SYT1: variants seen among roughly 807,000 people sequenced by gnomAD.
The protein encoded by SYT1 is synaptotagmin 1, also known as synaptotagmin-1.
In SYT1, 8 loss-of-function variants were observed where a neutral mutation model predicts 44.8. The observed-to-expected ratio is 0.18, with a 90% CI of 0.10 to 0.32. SYT1 has a LOEUF of 0.32. Among genes scored for constraint, SYT1 ranks in the 10% least tolerant of loss-of-function variants. The probability of loss-of-function intolerance (pLI) is 1.00; values close to 1 mark genes in which losing one functional copy is unlikely to be tolerated. For synonymous variants in SYT1, 154 were observed against 188.8 expected (o/e 0.82, Z 1.51); for missense variants, 286 against 509.3 (o/e 0.56, Z 4.22).
At chr12:78,997,330 T>C (rs1329873048) in intron 2 of SYT1, among the ~76,000 whole-genome samples, 2 of 152,186 alleles carry the variant, frequency 1.3e-5, no homozygotes, top group East Asian at 3.9e-4. Flanking sequence ...ATGGCTATTT[T>C]CACAGAGTCC....
At chr12:78,961,087 T>C (rs1879476168) in intron 1 of SYT1, among the ~76,000 whole-genome samples, 2 of 152,256 alleles carry the variant, frequency 1.3e-5, no homozygotes, top group South Asian at 4.2e-4. Flanking sequence ...TTAAGTTTGC[T>C]ACTTCAAGCT....
At chr12:78,930,650 C>A (rs781558184) in intron 1 of SYT1, among the ~76,000 whole-genome samples, 1 of 150,916 alleles carries the variant, frequency 6.6e-6, no homozygotes, top group Non-Finnish European at 1.5e-5. Flanking sequence ...TTCACCACTT[C>A]CCAACCTCCT....
intron 1 of SYT1, among the ~76,000 whole-genome samples, chr12:78,871,429 C>G (rs971895816): frequency 3.9e-5 from 6 of 151,952 alleles, no homozygotes; most frequent in African/African-American, 1.2e-4. Flanking sequence ...ATCTTTTTCC[C>G]TCATGATGTA....
At chr12:78,936,624 ATTTCT>A (rs1199832284) in intron 1 of SYT1, among the ~76,000 whole-genome samples, 1 of 152,074 alleles carries the variant, frequency 6.6e-6, no homozygotes, top group African/African-American at 2.4e-5. Flanking sequence ...CATATTCTTT[ATTTCT>A]TAGTATATGT....
chr12:79,198,157 T>G (rs547267802), intron 3 of SYT1, among the ~76,000 whole-genome samples: 7 of 152,172 alleles, frequency 4.6e-5, no homozygotes, highest in Non-Finnish European at 8.8e-5. Flanking sequence ...GAAAACAAAT[T>G]GATATTCTCA....
chr12:79,069,405 T>C (rs1327163736), intron 3 of SYT1, among the ~76,000 whole-genome samples: 2 of 152,140 alleles, frequency 1.3e-5, no homozygotes, highest in African/African-American at 2.4e-5. Flanking sequence ...CTTATTTAAA[T>C]GTATTTGTTG....
chr12:79,012,762 G>A (rs1227114151), intron 2 of SYT1, among the ~76,000 whole-genome samples: 3 of 152,150 alleles, frequency 2.0e-5, no homozygotes, highest in South Asian at 2.1e-4. Flanking sequence ...GCACCCTGTC[G>A]CTGCTCCCTG....
At chr12:79,312,138 G>T (rs1880837465) in intron 8 of SYT1, among the ~76,000 whole-genome samples, 2 of 151,712 alleles carry the variant, frequency 1.3e-5, no homozygotes, top group Non-Finnish European at 1.5e-5. Flanking sequence ...TTGCCTTCTG[G>T]GGAATTGAGC....
intron 2 of SYT1, among the ~76,000 whole-genome samples, chr12:79,014,692 C>T (rs1427023541): frequency 1.3e-5 from 2 of 152,074 alleles, no homozygotes; most frequent in African/African-American, 4.8e-5. Context: ...ACCATTTGAC[C>T]CAGCCATCCT....
intron 3 of SYT1, among the ~76,000 whole-genome samples, chr12:79,088,162 A>T (rs1285809647): frequency 6.6e-6 from 1 of 152,038 alleles, no homozygotes; most frequent in Non-Finnish European, 1.5e-5. Flanking sequence ...AGGGTTATAT[A>T]AGCCAGTTAT....
At chr12:79,399,510 C>T (rs904872049) in intron 9 of SYT1, among the ~76,000 whole-genome samples, 7 of 151,954 alleles carry the variant, frequency 4.6e-5, no homozygotes, top group Non-Finnish European at 7.4e-5. Flanking sequence ...TGTTTATAGT[C>T]GGAACAGTCT....
intron 8 of SYT1, among the ~76,000 whole-genome samples, chr12:79,313,171 C>T (rs1175089844): frequency 2.0e-5 from 3 of 152,060 alleles, no homozygotes; most frequent in African/African-American, 7.2e-5. Context: ...TGTAGATTTA[C>T]AATCTACATG....
rs892519869 is a variant in SYT1 at position 79,053,570 on chromosome 12, A to G, written c.-18+6208A>G. On this transcript the variant is annotated intron_variant, in intron 3 of 10. Transcript: ENST00000261205. The stretch of plus-strand genomic sequence containing the variant: ...TAAATTCTTATGTATAAAATAATGC[A>G]TATTAACTTTAATTAAAATTATTTT... 2.7e-5 allele frequency among the ~76,000 whole-genome samples: 4 copies of G among 149,236 alleles called. No homozygotes were observed. The East Asian group carries it at 7.8e-4, about 29-fold the overall frequency.
chr12:79,171,022 G>A (rs549447073), intron 3 of SYT1, among the ~76,000 whole-genome samples: 4 of 151,960 alleles, frequency 2.6e-5, no homozygotes, highest in South Asian at 2.1e-4. Flanking sequence ...TTTTATTTCC[G>A]GATTCTCTAT....
intron 4 of SYT1, among the ~76,000 whole-genome samples, chr12:79,285,435 A>G (rs1408966730): frequency 6.6e-6 from 1 of 152,218 alleles, no homozygotes; most frequent in African/African-American, 2.4e-5. Context: ...GCCCAAGATC[A>G]CACAGCTAGT....
At chr12:79,205,336 C>T (rs7295309) in intron 3 of SYT1, among the ~76,000 whole-genome samples, 105,528 of 152,102 alleles carry the variant, frequency 0.69, 36,998 homozygotes, top group African/African-American at 0.73. Context: ...AAACTCATAT[C>T]TTTTCTTGAT....
intron 6 of SYT1, 75 bp from the exon 7 acceptor site, chr12:79,295,994 G>C: frequency 7.6e-6 from 11 of 1,446,872 alleles, no homozygotes; most frequent in Non-Finnish European, 1.0e-5. Flanking sequence ...CCAATATGCA[G>C]CATTGTGAAC....
chr12:78,990,213 GT>G (rs1869925244), intron 2 of SYT1, among the ~76,000 whole-genome samples: 1 of 152,084 alleles, frequency 6.6e-6, no homozygotes, highest in South Asian at 2.1e-4. Flanking sequence ...GGCTTAATGG[GT>G]ATTAATTGTT....
intron 4 of SYT1, among the ~76,000 whole-genome samples, chr12:79,259,493 G>A (rs1877712803): frequency 6.6e-6 from 1 of 152,188 alleles, no homozygotes; most frequent in South Asian, 2.1e-4. Flanking sequence ...CAGCACTTTA[G>A]GAAGCAAAGA....
Sources: allele counts gnomAD v4.1 joint callset (sites outside exome capture counted in the v4.1 genomes callset), GRCh38; gene constraint gnomAD v4.1.1; transcripts MANE v1.5; gene names NCBI Gene and HGNC (gene_info 2026-07-23, HGNC 2026-07-21).